Variants in AGAP1 observed in about 807,000 individuals in gnomAD.
AGAP1 encodes the protein ArfGAP with GTPase domain, ankyrin repeat and PH domain 1.
AGAP1 carries 29 observed loss-of-function variants against 105.3 expected under a neutral mutation model. The ratio of observed to expected loss-of-function variants is 0.28; its 90% CI spans 0.21 to 0.38. The LOEUF (loss-of-function observed/expected upper bound fraction) is 0.38. Among genes scored for constraint, AGAP1 ranks in the 10% least tolerant of loss-of-function variants. The pLI, the probability that AGAP1 is intolerant of heterozygous loss-of-function variation, is 1.00. For missense variants in AGAP1, 998 were observed against 1,165.1 expected, an observed-to-expected ratio of 0.86 and a Z score of 2.09; for synonymous variants, 509 against 485.9, an observed-to-expected ratio of 1.05 and a Z score of -0.63.
Position 236,119,681 on chromosome 2 carries a change from G to A in AGAP1, c.2115-511G>A, listed in dbSNP as rs540385095. Reference sequence around the variant, plus strand: ...CCCAGAGACCATGCTTCCATCGTGCGGTCCGTGCTCTCGGCCCCGGAGACC... The same window carrying A: ...CCCAGAGACCATGCTTCCATCGTGCAGTCCGTGCTCTCGGCCCCGGAGACC... On this transcript the variant is annotated intron_variant, in intron 16 of 17. Transcript: ENST00000304032. This position sits in a 1 kb window ranked among gnomAD's most constrained non-coding sequence, Gnocchi z 6.6. Among the ~76,000 whole-genome samples, 11 of 151,232 alleles carry A rather than the reference G, an allele frequency of 7.3e-5. No homozygotes were observed. In the East Asian group the frequency reaches 2.0e-3, roughly 27 times the overall value.
chr2:235,834,335 A>G (rs1249022204), intron 9 of AGAP1, among the ~76,000 whole-genome samples: 1 of 152,196 alleles, frequency 6.6e-6, no homozygotes, highest in Non-Finnish European at 1.5e-5. Context: ...CAGACAGAAC[A>G]TGGGGACAAG....
At chr2:235,945,150 G>A (rs2053428615) in intron 12 of AGAP1, among the ~76,000 whole-genome samples, 1 of 152,128 alleles carries the variant, frequency 6.6e-6, no homozygotes, top group Admixed American at 6.5e-5. Context: ...GCCCAGGCTG[G>A]AGTGCAGTGG....
intron 1 of AGAP1, among the ~76,000 whole-genome samples, chr2:235,529,528 C>G (rs1942973313): frequency 6.6e-6 from 1 of 152,134 alleles, no homozygotes; most frequent in Non-Finnish European, 1.5e-5. Flanking sequence ...CAGGGGACAG[C>G]TGTGCAGTCA....
rs192482595 is a variant in AGAP1, at chr2:236,062,359, A to T, written c.2114+13078A>T. Among the ~76,000 whole-genome samples the T allele has an allele frequency of 1.3e-5, 2 of 152,190 alleles. No homozygotes were observed. On this transcript the variant is annotated intron_variant, in intron 16 of 17. Transcript: ENST00000304032. This position sits in a 1 kb window ranked among gnomAD's most constrained non-coding sequence, Gnocchi z 4.2. Reference sequence around the variant, plus strand: ...CCCCAGATCTGACCTCCCTAGAGGAAGCCATGGCCAGAGGGGAGGGGAGGG... The same window carrying T: ...CCCCAGATCTGACCTCCCTAGAGGATGCCATGGCCAGAGGGGAGGGGAGGG...
intron 13 of AGAP1, among the ~76,000 whole-genome samples, chr2:236,028,433 C>T (rs1559205911): frequency 1.3e-5 from 2 of 152,182 alleles, no homozygotes. Flanking sequence ...AAGTATTTAG[C>T]TCATTCACAA....
rs1244948034 is a variant in AGAP1, at chr2:235,845,479, C to T, written c.1051-37866C>T. Among the ~76,000 whole-genome samples the T allele has an allele frequency of 3.3e-5, 5 of 152,096 alleles. No individual in the cohort carries two copies. Among genetic ancestry groups the T allele is most frequent in the Non-Finnish European group, 5.9e-5 (4 of 68,012 alleles). Reference sequence around the variant, plus strand: ...CATTGTTCAGCCAGCTGGGCGAACCCTGGGCTTCCTGAGGACACCCCATTC... The same window carrying T: ...CATTGTTCAGCCAGCTGGGCGAACCTTGGGCTTCCTGAGGACACCCCATTC... On this transcript the variant is annotated intron_variant, in intron 9 of 17. Coordinates refer to ENST00000304032, the MANE Select transcript of AGAP1 (RefSeq NM_001037131.3). The surrounding 1 kb of genome is among the most constrained non-coding windows in gnomAD (Gnocchi z 4.8).
At chr2:235,527,274 A>G (rs1452092776) in intron 1 of AGAP1, among the ~76,000 whole-genome samples, 5 of 152,182 alleles carry the variant, frequency 3.3e-5, no homozygotes, top group African/African-American at 4.8e-5. Flanking sequence ...ATTGACCTAA[A>G]TCAAGCAGTT....
intron 11 of AGAP1, among the ~76,000 whole-genome samples, chr2:235,910,209 G>A (rs1343163226): frequency 2.0e-5 from 3 of 152,298 alleles, no homozygotes; most frequent in South Asian, 2.1e-4. Flanking sequence ...CCTGGGCTCC[G>A]CTGCATAGTG....
intron 9 of AGAP1, among the ~76,000 whole-genome samples, chr2:235,810,069 T>C (rs1304804779): frequency 6.6e-6 from 1 of 152,200 alleles, no homozygotes; most frequent in African/African-American, 2.4e-5. Flanking sequence ...TGCCCATTGA[T>C]GAAAAGCCTT....
At chr2:235,852,688 C>T (rs1350974541) in intron 9 of AGAP1, 12 of 1,487,648 alleles carry the variant, frequency 8.1e-6, no homozygotes, top group Non-Finnish European at 1.1e-5. Context: ...CTCCCCAGGG[C>T]CTGCCCTTCT....
Position 235,882,030 on chromosome 2 carries a change from T to C in AGAP1, c.1051-1315T>C, listed in dbSNP as rs912034813. ...GAGAATACAGTTAATGCAGTTTGGG[T>C]TTTTCTGGGGTTTTTTTGTGGTTTT... On this transcript the variant is annotated intron_variant, in intron 9 of 17. Coordinates refer to ENST00000304032, the MANE Select transcript of AGAP1 (RefSeq NM_001037131.3). The surrounding 1 kb of genome is among the most constrained non-coding windows in gnomAD (Gnocchi z 4.6). Among the ~76,000 whole-genome samples, 2 of 152,076 alleles carry C rather than the reference T, an allele frequency of 1.3e-5. No individual in the cohort carries two copies. Among genetic ancestry groups the C allele is most frequent in the East Asian group, 3.9e-4 (2 of 5,190 alleles).
chr2:236,108,219 G>A (rs1053249955), intron 16 of AGAP1, among the ~76,000 whole-genome samples: 2 of 152,202 alleles, frequency 1.3e-5, no homozygotes, highest in African/African-American at 2.4e-5. Flanking sequence ...GCAGTGGGCC[G>A]GGGTCTTCCC....
rs1013238948 is a variant in AGAP1 at position 235,633,071 on chromosome 2, T to C, written c.164-76108T>C. Among the ~76,000 whole-genome samples, 1 of 152,140 alleles carries C rather than the reference T, an allele frequency of 6.6e-6. No homozygotes were observed. Among genetic ancestry groups the C allele is most frequent in the East Asian group, 1.9e-4 (1 of 5,174 alleles). ...TGAGTTCTGCTTTTGCTTGAACTTC[T>C]AGCGGCAGAAAGGGGGTGATCCCTT... On this transcript the variant is annotated intron_variant, in intron 1 of 17. Coordinates refer to ENST00000304032, the MANE Select transcript of AGAP1 (RefSeq NM_001037131.3). The surrounding 1 kb of genome is among the most constrained non-coding windows in gnomAD (Gnocchi z 4.8).
rs150987722 is a variant in AGAP1 at position 235,955,817 on chromosome 2, A to G, written c.1484-12645A>G. ...CGAAGCAGCGGCCTGAGTTTGGTGT[A>G]TTGCTGTACCTTGAGCGGAGTGAAG... is the stretch of plus-strand genomic sequence containing the variant. On this transcript the variant is annotated intron_variant, in intron 12 of 17. Coordinates refer to ENST00000304032, the MANE Select transcript of AGAP1 (RefSeq NM_001037131.3). Among the ~76,000 whole-genome samples, 751 of 152,220 alleles carry G rather than the reference A, an allele frequency of 4.9e-3. 6 individuals carry two copies. The highest frequency in any genetic ancestry group is 7.3e-3 in the Non-Finnish European group (495 of 68,016).
At chr2:235,816,094 G>GTT (rs773367841) in intron 9 of AGAP1, among the ~76,000 whole-genome samples, 4 of 152,170 alleles carry the variant, frequency 2.6e-5, no homozygotes, top group Non-Finnish European at 4.4e-5. Flanking sequence ...TTGTGTTTTG[G>GTT]TTAATTTCTC....
rs1946618640 is a variant in AGAP1 at position 235,625,801 on chromosome 2, T to A, written c.164-83378T>A. Reference sequence around the variant, plus strand: ...TTTCTAAGAGAAAATTAAAATAATTTAGGATGTTGCCCCACACTATTGGGA... The same window carrying A: ...TTTCTAAGAGAAAATTAAAATAATTAAGGATGTTGCCCCACACTATTGGGA... On this transcript the variant is annotated intron_variant, in intron 1 of 17. Transcript: ENST00000304032. This position sits in a 1 kb window ranked among gnomAD's most constrained non-coding sequence, Gnocchi z 4.0. Among the ~76,000 whole-genome samples the A allele has an allele frequency of 6.6e-6, 1 of 152,204 alleles. No individual in the cohort carries two copies. The highest frequency in any genetic ancestry group is 1.5e-5 in the Non-Finnish European group (1 of 68,034).
In AGAP1 at chr2:235,872,777, G is replaced by C. The variant is rs189017541; in HGVS notation, c.1051-10568G>C. Among the ~76,000 whole-genome samples, 26 of 152,304 alleles carry C rather than the reference G, an allele frequency of 1.7e-4. No homozygotes were observed. Among genetic ancestry groups the C allele is most frequent in the African/African-American group, 5.3e-4 (22 of 41,556 alleles). The stretch of plus-strand genomic sequence containing the variant: ...AAGCGACGGGCCCCCTGTCTTCCCC[G>C]ATTGGTTTCCATTTAGCTGCTGCAC... On this transcript the variant is annotated intron_variant, in intron 9 of 17. Coordinates refer to ENST00000304032, the MANE Select transcript of AGAP1 (RefSeq NM_001037131.3). This position sits in a 1 kb window ranked among gnomAD's most constrained non-coding sequence, Gnocchi z 4.5.
intron 9 of AGAP1, among the ~76,000 whole-genome samples, chr2:235,807,616 C>T (rs531984423): frequency 4.7e-4 from 72 of 152,306 alleles, no homozygotes; most frequent in African/African-American, 1.6e-3. Flanking sequence ...CTTTGTAGCA[C>T]GGCTTTGATT....
At chr2:235,597,261 G>A (rs79209317) in intron 1 of AGAP1, among the ~76,000 whole-genome samples, 3,293 of 152,354 alleles carry the variant, frequency 0.022, 116 homozygotes, top group African/African-American at 0.075. Context: ...TGCTCAGGAC[G>A]TGTGGAGCAG....
Sources: allele counts gnomAD v4.1 joint callset (sites outside exome capture counted in the v4.1 genomes callset), GRCh38; gene constraint gnomAD v4.1.1; non-coding constraint Gnocchi (gnomAD v3.1); transcripts MANE v1.5; gene names NCBI Gene and HGNC (gene_info 2026-07-23, HGNC 2026-07-21).